Variants in CTNNA3 observed in about 807,000 individuals in gnomAD.
CTNNA3 encodes catenin alpha 3.
A neutral mutation model predicts 95.7 loss-of-function variants in CTNNA3; 76 were observed. The ratio of observed to expected loss-of-function variants is 0.79; its 90% CI spans 0.66 to 0.96. CTNNA3 has a LOEUF of 0.96. Among genes scored for constraint, CTNNA3 ranks in the 40% least tolerant of loss-of-function variants. The probability of loss-of-function intolerance (pLI) is 0.00; values close to 1 mark genes in which losing one functional copy is unlikely to be tolerated. For missense variants in CTNNA3, 1,191 were observed against 1,089.8 expected, an observed-to-expected ratio of 1.09 and a Z score of -1.31; for synonymous variants, 431 against 374.4, an observed-to-expected ratio of 1.15 and a Z score of -1.74.
At chr10:66,978,053 CA>C (rs1850155172) in intron 7 of CTNNA3, among the ~76,000 whole-genome samples, 1 of 134,444 alleles carries the variant, frequency 7.4e-6, no homozygotes, top group Admixed American at 7.1e-5. Context: ...TTTGCACACA[CA>C]TATATATATA....
Position 66,509,839 on chromosome 10 carries a change from T to A in CTNNA3, c.1531+10778A>T, listed in dbSNP as rs117082704. The stretch of plus-strand genomic sequence containing the variant: ...ACTAACTATATTATATTTTGTACTA[T>A]CGCCAGTTTTACCCTTTTGGCTTGG... On this transcript the variant is annotated intron_variant, in intron 11 of 17. Transcript: ENST00000433211. Among the ~76,000 whole-genome samples the A allele has an allele frequency of 2.0e-5, 3 of 152,038 alleles. No individual in the cohort carries two copies. In the East Asian group the frequency reaches 5.8e-4, roughly 29 times the overall value.
intron 11 of CTNNA3, among the ~76,000 whole-genome samples, chr10:66,389,387 T>C (rs2092918413): frequency 6.6e-6 from 1 of 152,122 alleles, no homozygotes; most frequent in Non-Finnish European, 1.5e-5. Context: ...AGCTTAACAT[T>C]TGCTCTGAGG....
At chr10:66,983,869 A>G (rs1351342985) in intron 7 of CTNNA3, among the ~76,000 whole-genome samples, 1 of 152,190 alleles carries the variant, frequency 6.6e-6, no homozygotes, top group Non-Finnish European at 1.5e-5. Context: ...ATAATAGCTA[A>G]TGTTTTAGCA....
chr10:67,069,538 A>T (rs1274276161), intron 7 of CTNNA3, among the ~76,000 whole-genome samples: 1 of 151,946 alleles, frequency 6.6e-6, no homozygotes, highest in Non-Finnish European at 1.5e-5. Context: ...AACAGATATT[A>T]CAAGGTGTAC....
At chr10:66,979,453 G>A (rs1163844176) in intron 7 of CTNNA3, among the ~76,000 whole-genome samples, 2 of 152,128 alleles carry the variant, frequency 1.3e-5, no homozygotes, top group Non-Finnish European at 2.9e-5. Flanking sequence ...ATTTAGTAAT[G>A]TAAGAGTTTC....
chr10:66,656,968 A>G (rs1846093854), intron 9 of CTNNA3, among the ~76,000 whole-genome samples: 1 of 152,140 alleles, frequency 6.6e-6, no homozygotes, highest in African/African-American at 2.4e-5. Flanking sequence ...ATATGTCCCC[A>G]CACTTCATAC....
At chr10:67,644,031 T>A (rs919954497) in intron 2 of CTNNA3, among the ~76,000 whole-genome samples, 1 of 152,208 alleles carries the variant, frequency 6.6e-6, no homozygotes, top group African/African-American at 2.4e-5. Context: ...TGATTTATAA[T>A]CCTTTGGATA....
chr10:65,976,797 C>T (rs1343007718), intron 16 of CTNNA3, among the ~76,000 whole-genome samples: 1 of 151,974 alleles, frequency 6.6e-6, no homozygotes, highest in Non-Finnish European at 1.5e-5. Flanking sequence ...CAGGTCTTTT[C>T]CCATTTTTTA....
rs139737846 is a variant in CTNNA3, at chr10:66,287,947, A to G, written c.1733-7326T>C. On this transcript the variant is annotated intron_variant, in intron 12 of 17. Transcript: ENST00000433211. ...CAGAGAGTATTGAGACAATATGTAA[A>G]CATGTGATATATTTGAGAGCCAGGG... is the stretch of plus-strand genomic sequence containing the variant. Among the ~76,000 whole-genome samples the G allele has an allele frequency of 2.0e-3, 305 of 151,880 alleles. 2 individuals carry two copies. The highest frequency in any genetic ancestry group is 4.4e-3 in the South Asian group (21 of 4,802).
intron 3 of CTNNA3, among the ~76,000 whole-genome samples, chr10:67,558,674 G>C (rs1841349404): frequency 1.3e-5 from 2 of 152,364 alleles, no homozygotes; most frequent in Middle Eastern, 3.4e-3. Context: ...GCGAGCCAAA[G>C]CAGGGCAAGC....
chr10:66,288,596 T>C (rs1197009147), intron 12 of CTNNA3, among the ~76,000 whole-genome samples: 3 of 152,154 alleles, frequency 2.0e-5, no homozygotes, highest in Admixed American at 1.3e-4. Flanking sequence ...ATTAAACATT[T>C]ATTTCCTTAG....
intron 7 of CTNNA3, chr10:67,015,227 T>C (rs1012370291): frequency 1.3e-5 from 2 of 152,164 alleles, no homozygotes; most frequent in African/African-American, 4.8e-5. Context: ...TTATACCATT[T>C]ATATGCTATT....
At chr10:67,319,371 T>A (rs114615261) in intron 5 of CTNNA3, among the ~76,000 whole-genome samples, 1,761 of 152,276 alleles carry the variant, frequency 0.012, 38 homozygotes, top group African/African-American at 0.038. Context: ...TAGCAAGTCA[T>A]AGGGACCAGG....
intron 2 of CTNNA3, 78 bp from the exon 3 acceptor site, chr10:67,607,127 C>A (rs1404876574): frequency 8.5e-7 from 1 of 1,174,534 alleles, no homozygotes. Flanking sequence ...CAGACCAGAA[C>A]AAAAGACAGT....
At chr10:66,067,560 T>C (rs2080338241) in intron 15 of CTNNA3, among the ~76,000 whole-genome samples, 1 of 152,236 alleles carries the variant, frequency 6.6e-6, no homozygotes. Context: ...TTTTTTCACC[T>C]ATTAATCTGC....
chr10:67,019,845 C>A (rs1434942779), intron 7 of CTNNA3, among the ~76,000 whole-genome samples: 2 of 152,196 alleles, frequency 1.3e-5, no homozygotes, highest in African/African-American at 4.8e-5. Context: ...ATGAACAAAT[C>A]TGTTCCTCTT....
intron 1 of CTNNA3, among the ~76,000 whole-genome samples, chr10:67,726,665 T>C (rs371164224): frequency 2.2e-5 from 2 of 90,702 alleles, no homozygotes; most frequent in South Asian, 3.2e-4. Flanking sequence ...TATTATATAT[T>C]ATATTAATTA....
intron 17 of CTNNA3, among the ~76,000 whole-genome samples, chr10:65,945,239 A>C (rs1304066888): frequency 6.6e-6 from 1 of 152,112 alleles, no homozygotes; most frequent in Non-Finnish European, 1.5e-5. Context: ...TGGTTGGCTC[A>C]ATTGTGAAAA....
chr10:66,219,922 G>A (rs2088821867), intron 13 of CTNNA3, among the ~76,000 whole-genome samples: 1 of 152,082 alleles, frequency 6.6e-6, no homozygotes, highest in Admixed American at 6.5e-5. Flanking sequence ...TCAGGAGTTT[G>A]AGACAAGCCT....
Sources: allele counts gnomAD v4.1 joint callset (sites outside exome capture counted in the v4.1 genomes callset), GRCh38; gene constraint gnomAD v4.1.1; transcripts MANE v1.5; gene names NCBI Gene and HGNC (gene_info 2026-07-23, HGNC 2026-07-21).